PARL: variants seen among roughly 807,000 people sequenced by gnomAD.
PARL encodes the protein presenilin associated rhomboid like.
PARL carries 44 observed loss-of-function variants against 51.6 expected under a neutral mutation model. The ratio of observed to expected loss-of-function variants is 0.85; its 90% confidence interval spans 0.67 to 1.10. The LOEUF (loss-of-function observed/expected upper bound fraction) is 1.10, where lower values mean the gene tolerates loss of function less well. Among genes scored for constraint, PARL ranks in the 50% least tolerant of loss-of-function variants. The probability of loss-of-function intolerance (pLI) is 0.00; values close to 1 mark genes in which losing one functional copy is unlikely to be tolerated. For missense variants in PARL, 441 were observed against 469.5 expected (o/e 0.94, Z 0.56); for synonymous variants, 172 against 164.0 (o/e 1.05, Z -0.37).
intron 4 of PARL, among the ~76,000 whole-genome samples, chr3:183,857,304 T>G (rs924674017): frequency 6.6e-6 from 1 of 152,236 alleles, no homozygotes; most frequent in African/African-American, 2.4e-5. Context: ...CATTTATCAA[T>G]CCAGGTGCTG....
rs1406318594 is a variant in PARL at position 183,869,560 on chromosome 3, T to G, written c.126-1500A>C. Among the ~76,000 whole-genome samples the G allele has an allele frequency of 4.6e-5, 7 of 152,040 alleles. No homozygotes were observed. In the South Asian group the frequency reaches 6.2e-4, roughly 14 times the overall value. On this transcript the variant is annotated intron_variant, in intron 1 of 9. Transcript: ENST00000317096. ...TGTATATTATTATTATTAAGGGATA[T>G]TATGATATCCCTTCTAGAAGGGATA... is the stretch of plus-strand genomic sequence containing the variant.
chr3:183,844,638 G>T (rs183381995), intron 4 of PARL: 1 of 283,310 alleles, frequency 3.5e-6, no homozygotes, highest in Admixed American at 4.6e-5. Flanking sequence ...ATAATTTATT[G>T]TCTATAATAG....
At chr3:183,842,553 T>A in intron 5 of PARL, 106 bp from the exon 6 acceptor site, 1 of 1,040,944 alleles carries the variant, frequency 9.6e-7, no homozygotes, top group Non-Finnish European at 1.5e-6. Flanking sequence ...CTCACGCCTG[T>A]AATCCCAGCA....
intron 1 of PARL, among the ~76,000 whole-genome samples, chr3:183,882,240 TA>T: frequency 5.0e-5 from 1 of 19,930 alleles, no homozygotes; most frequent in Middle Eastern, 0.029. Flanking sequence ...TATATATATA[TA>T]TATTTATATA....
chr3:183,878,724 A>G (rs1429391848), intron 1 of PARL, among the ~76,000 whole-genome samples: 1 of 152,142 alleles, frequency 6.6e-6, no homozygotes, highest in Admixed American at 6.6e-5. Flanking sequence ...AAACATTGTA[A>G]TTTAGTAGGT....
At chr3:183,827,002 T>TCAGCATGAGAGGGAGG (rs1239762354), downstream of PARL, among the ~76,000 whole-genome samples, 1 of 152,036 alleles carries the variant, frequency 6.6e-6, no homozygotes, top group Non-Finnish European at 1.5e-5. Context: ...CAAGGCCAGG[T>TCAGCATGAGAGGGAGG]CAGCATGAGA....
intron 1 of PARL, among the ~76,000 whole-genome samples, chr3:183,876,263 T>C (rs1733788093): frequency 6.6e-6 from 1 of 152,076 alleles, no homozygotes; most frequent in Admixed American, 6.5e-5. Context: ...GCCAGGGTGG[T>C]CTTGAACTCC....
intron 7 of PARL, among the ~76,000 whole-genome samples, chr3:183,836,343 G>GT (rs532209450): frequency 2.6e-5 from 4 of 151,104 alleles, no homozygotes; most frequent in African/African-American, 7.3e-5. Context: ...TGGAACGCTG[G>GT]TTTTTTTGTG....
intron 1 of PARL, among the ~76,000 whole-genome samples, chr3:183,868,350 G>C (rs1397802710): frequency 6.6e-6 from 1 of 151,626 alleles, no homozygotes; most frequent in Non-Finnish European, 1.5e-5. Flanking sequence ...AGAATCTGAA[G>C]ACCTGGTAAA....
At chr3:183,860,980 A>T (rs1389585589) in intron 4 of PARL, among the ~76,000 whole-genome samples, 3 of 152,046 alleles carry the variant, frequency 2.0e-5, no homozygotes, top group Non-Finnish European at 2.9e-5. Context: ...CGCCTAAGCT[A>T]ATTTTTTGTA....
At chr3:183,871,272 T>C (rs1326544773) in intron 1 of PARL, among the ~76,000 whole-genome samples, 1 of 152,048 alleles carries the variant, frequency 6.6e-6, no homozygotes, top group African/African-American at 2.4e-5. Context: ...CTCAAGGTGG[T>C]ACTATACTCA....
chr3:183,828,241 CTT>C (rs1431039292), downstream of PARL, among the ~76,000 whole-genome samples: 4 of 152,246 alleles, frequency 2.6e-5, no homozygotes, highest in African/African-American at 4.8e-5. Flanking sequence ...TTCATTGCCT[CTT>C]TGCCTGGTCT....
chr3:183,871,164 T>C (rs76604168), intron 1 of PARL, among the ~76,000 whole-genome samples: 40 of 152,254 alleles, frequency 2.6e-4, no homozygotes, highest in South Asian at 1.0e-3. Flanking sequence ...CAAAGTAAGA[T>C]GGTACTATAC....
chr3:183,855,139 G>GGGGAAGGA (rs751265573), intron 4 of PARL, among the ~76,000 whole-genome samples: 29 of 152,160 alleles, frequency 1.9e-4, no homozygotes, highest in Non-Finnish European at 1.5e-4. Flanking sequence ...CTAAGGCTGA[G>GGGGAAGGA]GGGAAGGAGG....
chr3:183,847,875 T>C (rs1730136776), intron 4 of PARL, among the ~76,000 whole-genome samples: 2 of 152,222 alleles, frequency 1.3e-5, no homozygotes, highest in Admixed American at 1.3e-4. Context: ...CCTCTCTCCT[T>C]TTCCTTTGAG....
chr3:183,859,875 C>G (rs1332583367), intron 4 of PARL, among the ~76,000 whole-genome samples: 1 of 152,114 alleles, frequency 6.6e-6, no homozygotes. Flanking sequence ...TCAACAGATT[C>G]AATGGCAAGG....
At chr3:183,842,191 G>A (rs117918122) in intron 6 of PARL, 107 bp downstream of exon 6, 1 of 1,087,840 alleles carries the variant, frequency 9.2e-7, no homozygotes, top group East Asian at 2.4e-5. Context: ...AATATGTTCT[G>A]AGCACTCACT....
At chr3:183,882,990 A>G (rs1734741291) in intron 1 of PARL, among the ~76,000 whole-genome samples, 1 of 152,236 alleles carries the variant, frequency 6.6e-6, no homozygotes, top group Non-Finnish European at 1.5e-5. Context: ...TACCAGAGGC[A>G]AATGCTCTAT....
At chr3:183,874,714 T>G (rs528988673) in intron 1 of PARL, among the ~76,000 whole-genome samples, 37 of 152,314 alleles carry the variant, frequency 2.4e-4, no homozygotes, top group African/African-American at 8.7e-4. Flanking sequence ...GAAGAAGGCA[T>G]GTCAAAAGCT....
Sources: allele counts gnomAD v4.1 joint callset (sites outside exome capture counted in the v4.1 genomes callset), GRCh38; gene constraint gnomAD v4.1.1; transcripts MANE v1.5; gene names NCBI Gene and HGNC (gene_info 2026-07-23, HGNC 2026-07-21).